C13orf46: variants seen among roughly 807,000 people sequenced by gnomAD.
C13orf46 encodes chromosome 13 open reading frame 46, also known as uncharacterized protein C13orf46.
At chr13:113,953,527 G>A (rs1437777342), downstream of C13orf46, among the ~76,000 whole-genome samples, 1 of 152,018 alleles carries the variant, frequency 6.6e-6, no homozygotes, top group African/African-American at 2.4e-5. Flanking sequence ...AATGAGCTCA[G>A]AGCCCAACAG....
In C13orf46 at chr13:113,955,132, G is replaced by C; in HGVS notation, c.*1641C>G. ...GAGGAGCAGCAGCTGGTGGAGACGA[G>C]GAGCATCCGGTGGAGATGAGGAGCA... On this transcript the variant is annotated 3_prime_UTR_variant, in exon 7 of 7. Coordinates refer to ENST00000636427, the MANE Select transcript of C13orf46 (RefSeq NM_001365455.2). 1 of 236,140 alleles carries C rather than the reference G, an allele frequency of 4.2e-6. No individual in the cohort carries two copies. 14.6% of individuals were successfully genotyped at this position (236,140 alleles called of 1,614,324 possible). A position where few individuals can be genotyped will look rare whatever the true frequency, so the allele number is the denominator to read the frequency against.
chr13:113,964,223 CTG>C (rs1171502272), intron 6 of C13orf46, among the ~76,000 whole-genome samples: 1 of 152,196 alleles, frequency 6.6e-6, no homozygotes, highest in African/African-American at 2.4e-5. Context: ...TACTGATAAA[CTG>C]TTAATTCTGA....
chr13:113,935,055 T>G, the C13orf46 span, among the ~76,000 whole-genome samples: 1 of 152,218 alleles, frequency 6.6e-6, no homozygotes, highest in South Asian at 2.1e-4. Context: ...CATTCCTCCC[T>G]CTTCTGGGCA....
intron 6 of C13orf46, among the ~76,000 whole-genome samples, chr13:113,959,120 T>C (rs2052566341): frequency 6.6e-6 from 1 of 151,848 alleles, no homozygotes; most frequent in African/African-American, 2.4e-5. Flanking sequence ...TCTACTAAAA[T>C]AAAAAATTAG....
At chr13:113,962,587 AGG>A (rs1362960613) in intron 6 of C13orf46, among the ~76,000 whole-genome samples, 1 of 152,206 alleles carries the variant, frequency 6.6e-6, no homozygotes, top group Non-Finnish European at 1.5e-5. Context: ...GGTGATCCAA[AGG>A]GGGAATTTGT....
chr13:113,945,971 G>A, the C13orf46 span, among the ~76,000 whole-genome samples: 168 of 152,150 alleles, frequency 1.1e-3, 1 homozygote, highest in Admixed American at 3.6e-3. Context: ...ACCGCCGCCC[G>A]TTCACTGTGA....
At chr13:113,961,331 C>T (rs2052584946) in intron 6 of C13orf46, among the ~76,000 whole-genome samples, 1 of 151,428 alleles carries the variant, frequency 6.6e-6, no homozygotes, top group Admixed American at 6.6e-5. Flanking sequence ...TGATAATGTC[C>T]AATTGTAAAC....
At chr13:113,953,492 A>G (rs980634680), downstream of C13orf46, among the ~76,000 whole-genome samples, 31 of 151,282 alleles carry the variant, frequency 2.0e-4, no homozygotes, top group African/African-American at 6.8e-4. Context: ...GTGAAGGAGG[A>G]ACAGAATTAC....
At chr13:113,961,439 T>A (rs2052585650) in intron 6 of C13orf46, among the ~76,000 whole-genome samples, 1 of 107,024 alleles carries the variant, frequency 9.3e-6, no homozygotes, top group African/African-American at 2.8e-5. Context: ...TCAGTCATGA[T>A]TTTGGTTGTT....
At chr13:113,970,064 T>C (rs2052687932) in intron 2 of C13orf46, 107 bp downstream of exon 2, 2 of 152,152 alleles carry the variant, frequency 1.3e-5, no homozygotes, top group African/African-American at 4.8e-5. Context: ...CTTCTAAGTG[T>C]CTACCTTGAT....
At chr13:113,932,901 G>C in the C13orf46 span, among the ~76,000 whole-genome samples, 1 of 151,682 alleles carries the variant, frequency 6.6e-6, no homozygotes, top group Non-Finnish European at 1.5e-5. Context: ...GTCTCGCTCT[G>C]TCAGCCACAC....
chr13:113,947,941 C>T, the C13orf46 span, among the ~76,000 whole-genome samples: 587 of 152,330 alleles, frequency 3.9e-3, no homozygotes, highest in Middle Eastern at 6.8e-3. Context: ...TCTGGCCTGC[C>T]GAGCACTGAC....
intron 6 of C13orf46, among the ~76,000 whole-genome samples, chr13:113,957,312 C>T (rs1321724145): frequency 2.1e-5 from 3 of 145,618 alleles, no homozygotes; most frequent in Non-Finnish European, 4.5e-5. Flanking sequence ...CTCTGCACCC[C>T]CTTTCATCAA....
At chr13:113,945,557 GAAAGAAAGAA>G in the C13orf46 span, among the ~76,000 whole-genome samples, 141 of 116,078 alleles carry the variant, frequency 1.2e-3, 1 homozygote, top group Non-Finnish European at 1.4e-3. Flanking sequence ...AAGAAAGAAA[GAAAGAAAGAA>G]AGAAAGAAAG....
At chr13:113,929,667 G>A in the C13orf46 span, among the ~76,000 whole-genome samples, 4 of 152,204 alleles carry the variant, frequency 2.6e-5, no homozygotes, top group African/African-American at 9.7e-5. Flanking sequence ...TGTTATCACT[G>A]ACCACGCAGG....
chr13:113,972,449 GC>G (rs1349087626), intron 1 of C13orf46, among the ~76,000 whole-genome samples: 2 of 152,208 alleles, frequency 1.3e-5, no homozygotes, highest in African/African-American at 2.4e-5. Flanking sequence ...CACTTCCACG[GC>G]CCCGTGGACA....
chr13:113,960,512 A>C (rs2052578935), intron 6 of C13orf46, among the ~76,000 whole-genome samples: 1 of 152,186 alleles, frequency 6.6e-6, no homozygotes, highest in Non-Finnish European at 1.5e-5. Context: ...CCCCTTAAGA[A>C]GGCCTGGGAT....
At chr13:113,934,656 C>T in the C13orf46 span, among the ~76,000 whole-genome samples, 301 of 152,356 alleles carry the variant, frequency 2.0e-3, no homozygotes, top group African/African-American at 7.0e-3. Flanking sequence ...GGCAAGTGCT[C>T]GAGGCCTGCC....
chr13:113,958,533 T>C (rs2052561024), intron 6 of C13orf46, among the ~76,000 whole-genome samples: 1 of 152,180 alleles, frequency 6.6e-6, no homozygotes, highest in African/African-American at 2.4e-5. Flanking sequence ...GCCTCTGTAA[T>C]CTACAGCCAA....
Sources: gnomAD v4.1 joint callset for allele counts (sites outside exome capture counted in the v4.1 genomes callset) on GRCh38, gnomAD v4.1.1 for gene constraint, MANE v1.5 for transcripts, NCBI Gene and HGNC (gene_info 2026-07-23, HGNC 2026-07-21) for gene names.